Variants in RYR2 observed in about 807,000 individuals in gnomAD.
The protein encoded by RYR2 is cardiac muscle ryanodine receptor-calcium release channel.
A neutral mutation model predicts 601.1 loss-of-function variants in RYR2; 227 were observed. The ratio of observed to expected loss-of-function variants is 0.38; its 90% CI spans 0.34 to 0.42. RYR2 has a LOEUF of 0.42. Ranked by LOEUF, RYR2 falls within the 10% of genes least tolerant of loss-of-function variation. The pLI is 1.00. For synonymous variants in RYR2, 2,223 were observed against 2,175.1 expected (o/e 1.02, Z -0.61); for missense variants, 4,646 against 6,156.5 (o/e 0.75, Z 8.21).
At chr1:237,735,026 A>G (rs551529874) in intron 79 of RYR2, among the ~76,000 whole-genome samples, 25 of 152,190 alleles carry the variant, frequency 1.6e-4, no homozygotes, top group Non-Finnish European at 2.6e-4. Context: ...AAAGGAGCTC[A>G]TAAAAAAGTT....
At chr1:237,346,177 G>A (rs913763606) in intron 3 of RYR2, among the ~76,000 whole-genome samples, 4 of 151,806 alleles carry the variant, frequency 2.6e-5, no homozygotes, top group Non-Finnish European at 4.4e-5. Context: ...ACCAGCCTGG[G>A]CAACATGGCG....
At position 237,180,613 on chromosome 1, in the gene RYR2, T is replaced by C. The variant is rs1366597669; in HGVS notation, c.49-89884T>C. Among the ~76,000 whole-genome samples, 3 of 42,638 alleles carry C rather than the reference T, an allele frequency of 7.0e-5. No homozygotes were observed. In the East Asian group the frequency reaches 2.4e-3, roughly 34 times the overall value. The allele number at this position is 42,638 out of a possible 152,430, so 28.0% of individuals were successfully genotyped here. A position where few individuals can be genotyped will look rare whatever the true frequency, so the allele number is the denominator to read the frequency against. On this transcript the variant is annotated intron_variant, in intron 1 of 104. Transcript: ENST00000366574. The surrounding 1 kb of genome is among the most constrained non-coding windows in gnomAD (Gnocchi z 5.3). ...GTATATATAAGTATATATATGTATA[T>C]ATGTATATATGTATATGTGTATATA...
At chr1:237,228,667 T>C (rs1684656079) in intron 1 of RYR2, among the ~76,000 whole-genome samples, 1 of 152,194 alleles carries the variant, frequency 6.6e-6, no homozygotes, top group African/African-American at 2.4e-5. Flanking sequence ...AGTTTGAATC[T>C]CTGCAGCTTC....
chr1:237,511,832 CT>C, intron 24 of RYR2, 41 bp downstream of exon 24: 3 of 453,998 alleles, frequency 6.6e-6, no homozygotes, highest in Non-Finnish European at 6.4e-6. Flanking sequence ...CCTGCCTTCC[CT>C]GAAAAAAAAA....
rs1007214018 is a variant in RYR2, at chr1:237,700,417, C to T, written c.9317C>T (p.Ser3106Phe). ...ACAGTGGCCCTGCTGCCAATGCTGT[C>T]TTCATTATTTGAACATATTGGCCAG... is the stretch of plus-strand genomic sequence containing the variant. ...YTTVALLPML[S>F]SLFEHIGQHQ... The change falls in exon 65 of 105, where the codon TCT becomes TTT. Residue 3106 changes from serine to phenylalanine, a missense_variant. Coordinates refer to ENST00000366574, the MANE Select transcript of RYR2 (RefSeq NM_001035.3). The T allele has an allele frequency of 9.3e-6, 15 of 1,608,954 alleles. No homozygotes were observed. Among genetic ancestry groups the T allele is most frequent in the Middle Eastern group, 1.6e-4 (1 of 6,078 alleles).
At chr1:237,049,190 G>T (rs1660951116) in intron 1 of RYR2, among the ~76,000 whole-genome samples, 1 of 152,150 alleles carries the variant, frequency 6.6e-6, no homozygotes, top group Admixed American at 6.5e-5. Context: ...GAGAGTAAGA[G>T]AATAAATTAA....
At chr1:237,181,945 G>A (rs577039210) in intron 1 of RYR2, among the ~76,000 whole-genome samples, 8 of 152,168 alleles carry the variant, frequency 5.3e-5, no homozygotes, top group Non-Finnish European at 1.2e-4. Flanking sequence ...TTGCCAGAAC[G>A]AGTACGTGTT....
chr1:237,200,846 C>T (rs1342781426), intron 1 of RYR2, among the ~76,000 whole-genome samples: 1 of 152,128 alleles, frequency 6.6e-6, no homozygotes, highest in Non-Finnish European at 1.5e-5. Context: ...CCATCGATTG[C>T]TAAAGTTATG....
intron 1 of RYR2, among the ~76,000 whole-genome samples, chr1:237,124,923 G>T (rs1354399179): frequency 6.6e-6 from 1 of 152,164 alleles, no homozygotes; most frequent in Non-Finnish European, 1.5e-5. Context: ...TGCTATTCAT[G>T]CAGCAGGTGA....
rs1026261759 is a variant in RYR2 at position 237,580,138 on chromosome 1, G to T, written c.3599-9655G>T. 8.2e-5 allele frequency among the ~76,000 whole-genome samples: 12 copies of T among 147,008 alleles called. No homozygotes were observed. The South Asian group carries it at 2.6e-3, about 32-fold the overall frequency. On this transcript the variant is annotated intron_variant, in intron 29 of 104. Transcript: ENST00000366574. ...TTCTGCTTGGCTCCTCCAGAGCCACGTGAAATCACAACAATTCTTTTTTTT... is the reference window on the plus strand; with the variant it reads ...TTCTGCTTGGCTCCTCCAGAGCCACTTGAAATCACAACAATTCTTTTTTTT...
At chr1:237,393,539 T>C (rs1161225034) in intron 10 of RYR2, among the ~76,000 whole-genome samples, 5 of 152,176 alleles carry the variant, frequency 3.3e-5, no homozygotes, top group African/African-American at 1.2e-4. Context: ...GGCCACCACC[T>C]AGGAGGAAGC....
intron 1 of RYR2, among the ~76,000 whole-genome samples, chr1:237,065,690 G>T (rs1431805869): frequency 1.3e-5 from 2 of 152,174 alleles, no homozygotes; most frequent in African/African-American, 2.4e-5. Flanking sequence ...TTTTGACAAT[G>T]TAATTGTATT....
At chr1:237,606,967 C>T (rs1677195936) in intron 35 of RYR2, among the ~76,000 whole-genome samples, 2 of 152,222 alleles carry the variant, frequency 1.3e-5, no homozygotes, top group Admixed American at 1.3e-4. Flanking sequence ...CACTTTCACA[C>T]TGTTGGTGGG....
At position 237,593,647 on chromosome 1, in the gene RYR2, C is replaced by T. The variant is rs777249565; in HGVS notation, c.4436+11C>T. The T allele has an allele frequency of 1.9e-6, 3 of 1,612,834 alleles. No individual in the cohort carries two copies. Among genetic ancestry groups the T allele is most frequent in the South Asian group, 1.1e-5 (1 of 90,848 alleles). On this transcript the variant is annotated intron_variant, in intron 33 of 104. Coordinates refer to ENST00000366574, the MANE Select transcript of RYR2 (RefSeq NM_001035.3). The stretch of plus-strand genomic sequence containing the variant: ...AAAAGTGCATGAAAGGTTAGTTTTC[C>T]TCAATTTTTTGCAAGAATGACATGT...
At chr1:237,477,167 C>A (rs182354084) in intron 17 of RYR2, among the ~76,000 whole-genome samples, 23 of 152,162 alleles carry the variant, frequency 1.5e-4, no homozygotes, top group African/African-American at 5.5e-4. Flanking sequence ...CCGAGGCAGG[C>A]GGATCACGAG....
At chr1:237,099,700 T>A (rs1185578977) in intron 1 of RYR2, among the ~76,000 whole-genome samples, 1 of 152,252 alleles carries the variant, frequency 6.6e-6, no homozygotes, top group African/African-American at 2.4e-5. Context: ...CTTCTTTTGC[T>A]ATGAAAAACT....
intron 22 of RYR2, among the ~76,000 whole-genome samples, chr1:237,504,642 C>T (rs556943182): frequency 4.4e-4 from 67 of 152,224 alleles, no homozygotes; most frequent in African/African-American, 1.6e-3. Flanking sequence ...AACTTAGTGA[C>T]AAAAATCGTG....
intron 63 of RYR2, among the ~76,000 whole-genome samples, chr1:237,692,089 A>G (rs773512635): frequency 6.6e-6 from 1 of 152,232 alleles, no homozygotes; most frequent in Non-Finnish European, 1.5e-5. Flanking sequence ...TAAGAGTCCA[A>G]CAGTAATAAT....
At chr1:237,803,846 T>C (rs148349621) in intron 98 of RYR2, among the ~76,000 whole-genome samples, 35 of 152,322 alleles carry the variant, frequency 2.3e-4, no homozygotes, top group African/African-American at 7.9e-4. Context: ...CCTCTGTAAT[T>C]CTCCCTTCTA....
Sources: gnomAD v4.1 joint callset for allele counts (sites outside exome capture counted in the v4.1 genomes callset) on GRCh38, gnomAD v4.1.1 for gene constraint, Gnocchi (gnomAD v3.1) non-coding constraint, MANE v1.5 for transcripts, NCBI Gene and HGNC (gene_info 2026-07-23, HGNC 2026-07-21) for gene names.